Variants in UBP1 observed in about 807,000 individuals in gnomAD.
The protein encoded by UBP1 is upstream-binding protein 1.
UBP1 carries 22 observed loss-of-function variants against 76.1 expected under a neutral mutation model. The ratio of observed to expected loss-of-function variants is 0.29; its 90% CI spans 0.21 to 0.41. The LOEUF (loss-of-function observed/expected upper bound fraction) is 0.41, where lower values mean the gene tolerates loss of function less well. Ranked by LOEUF, UBP1 falls within the 10% of genes least tolerant of loss-of-function variation. The probability of loss-of-function intolerance (pLI) is 1.00; values close to 1 mark genes in which losing one functional copy is unlikely to be tolerated. For synonymous variants in UBP1, 224 were observed against 237.1 expected (o/e 0.94, Z 0.51); for missense variants, 436 against 668.1 (o/e 0.65, Z 3.83).
chr3:33,403,073 A>G (rs2044292070), intron 8 of UBP1, among the ~76,000 whole-genome samples, 169 bp from the exon 9 acceptor site: 1 of 152,230 alleles, frequency 6.6e-6, no homozygotes, highest in Non-Finnish European at 1.5e-5. Context: ...GTGGCAAAGA[A>G]AAGTTTTACC....
At chr3:33,401,862 G>T (rs1430222227) in intron 9 of UBP1, among the ~76,000 whole-genome samples, 3 of 152,126 alleles carry the variant, frequency 2.0e-5, no homozygotes, top group Non-Finnish European at 4.4e-5. Flanking sequence ...GACTGACTAG[G>T]AAACTATTCT....
At chr3:33,418,682 A>G (rs1022353833) in intron 2 of UBP1, among the ~76,000 whole-genome samples, 1 of 151,594 alleles carries the variant, frequency 6.6e-6, no homozygotes, top group Non-Finnish European at 1.5e-5. Flanking sequence ...AACATGGAGA[A>G]ACCTCATCTC....
Position 33,393,462 on chromosome 3 carries a change from T to TAAA in UBP1, c.1391-11_1391-9dup. On this transcript the variant is annotated splice_polypyrimidine_tract_variant and intron_variant, in intron 13 of 15. Transcript: ENST00000283629. ...AGTAGATTGCATGATAAACTGAAAT[T>TAAA]AAAAAAAAAAAAAGAAAAGCATTTT... is the stretch of plus-strand genomic sequence containing the variant. The TAAA allele has an allele frequency of 3.7e-6, 5 of 1,345,620 alleles. No individual in the cohort carries two copies. The highest frequency in any genetic ancestry group is 5.1e-6 in the Non-Finnish European group (5 of 985,898). 83.4% of individuals were successfully genotyped at this position (1,345,620 alleles called of 1,614,324 possible).
Position 33,393,463 on chromosome 3 carries a change from A to C in UBP1, c.1391-9T>G. ...GTAGATTGCATGATAAACTGAAATTAAAAAAAAAAAAAGAAAAGCATTTTA... is the reference window on the plus strand; with the variant it reads ...GTAGATTGCATGATAAACTGAAATTCAAAAAAAAAAAAGAAAAGCATTTTA... On this transcript the variant is annotated splice_polypyrimidine_tract_variant and intron_variant, in intron 13 of 15. Transcript: ENST00000283629. 1 of 282,820 alleles carries C rather than the reference A, an allele frequency of 3.5e-6. No individual in the cohort carries two copies. Among genetic ancestry groups the C allele is most frequent in the Non-Finnish European group, 5.7e-6 (1 of 174,318 alleles). 17.5% of individuals were successfully genotyped at this position (282,820 alleles called of 1,614,324 possible). A position where few individuals can be genotyped will look rare whatever the true frequency, so the allele number is the denominator to read the frequency against.
At chr3:33,423,813 T>C (rs2044960823) in intron 2 of UBP1, among the ~76,000 whole-genome samples, 1 of 152,248 alleles carries the variant, frequency 6.6e-6, no homozygotes, top group Admixed American at 6.5e-5. Context: ...CACATGTATT[T>C]AGTACAATGC....
chr3:33,411,789 T>A, intron 4 of UBP1, 102 bp from the exon 5 acceptor site: 1 of 918,662 alleles, frequency 1.1e-6, no homozygotes, highest in Non-Finnish European at 1.7e-6. Flanking sequence ...GTAACTGCTT[T>A]GAACTCTGTC....
intron 5 of UBP1, among the ~76,000 whole-genome samples, chr3:33,410,745 T>A (rs181217248): frequency 1.6e-4 from 24 of 152,252 alleles, no homozygotes; most frequent in Non-Finnish European, 1.6e-4. Context: ...ATGATATTTA[T>A]GGATGAAATG....
In UBP1 at chr3:33,435,175, A is replaced by G. The variant is rs796482214; in HGVS notation, c.113+4561T>C. On this transcript the variant is annotated intron_variant, in intron 1 of 15. Transcript: ENST00000283629. ...AATGTTTTAAATGAGTTAATTTATT[A>G]AATCATTTCCTGTACTGCAGCCAAG... Among the ~76,000 whole-genome samples, 4 of 152,252 alleles carry G rather than the reference A, an allele frequency of 2.6e-5. No homozygotes were observed. In the South Asian group the frequency reaches 6.2e-4, roughly 24 times the overall value.
At chr3:33,400,498 G>A (rs2044183565) in intron 10 of UBP1, among the ~76,000 whole-genome samples, 1 of 152,118 alleles carries the variant, frequency 6.6e-6, no homozygotes, top group Non-Finnish European at 1.5e-5. Flanking sequence ...AAATCATGCC[G>A]CTGCTAATGA....
Position 33,390,189 on chromosome 3 carries a change from C to A in UBP1, c.*142G>T. 1 of 792,760 alleles carries A rather than the reference C, an allele frequency of 1.3e-6. No homozygotes were observed. Among genetic ancestry groups the A allele is most frequent in the Non-Finnish European group, 2.0e-6 (1 of 490,734 alleles). 49.1% of individuals were successfully genotyped at this position (792,760 alleles called of 1,614,324 possible). On this transcript the variant is annotated 3_prime_UTR_variant, in exon 16 of 16. Coordinates refer to ENST00000283629, the MANE Select transcript of UBP1 (RefSeq NM_014517.5). ...GTGAGGAGATTCACCTCTCATACAG[C>A]TCATTAGAAAGGTCATCTTGTGTTT...
intron 2 of UBP1, among the ~76,000 whole-genome samples, chr3:33,417,086 T>A (rs1316636330): frequency 3.3e-5 from 5 of 152,252 alleles, no homozygotes; most frequent in Admixed American, 3.3e-4. Context: ...ACTAAACTTT[T>A]ATTATGCTTG....
chr3:33,396,401 G>A (rs535653581), intron 12 of UBP1, 121 bp from the exon 13 acceptor site: 101 of 686,954 alleles, frequency 1.5e-4, no homozygotes, highest in African/African-American at 9.4e-4. Flanking sequence ...ATGTTATTTC[G>A]TTATACAAAG....
intron 1 of UBP1, among the ~76,000 whole-genome samples, chr3:33,436,274 A>ACC (rs1318551859): frequency 1.3e-5 from 2 of 152,184 alleles, no homozygotes; most frequent in South Asian, 2.1e-4. Context: ...ATTAACATCC[A>ACC]CCCTTTGCAT....
At chr3:33,441,081 A>G (rs570103159), upstream of UBP1, among the ~76,000 whole-genome samples, 18 of 152,358 alleles carry the variant, frequency 1.2e-4, no homozygotes, top group African/African-American at 3.4e-4. Flanking sequence ...TGGTCATCCT[A>G]AGGGCAGGCG....
At chr3:33,421,126 C>G (rs1025944566) in intron 2 of UBP1, among the ~76,000 whole-genome samples, 4 of 152,302 alleles carry the variant, frequency 2.6e-5, no homozygotes, top group Admixed American at 6.5e-5. Flanking sequence ...CAAAAGGCAG[C>G]CTATTCCAGC....
intron 1 of UBP1, among the ~76,000 whole-genome samples, chr3:33,427,231 C>G (rs1173231234): frequency 6.6e-6 from 1 of 152,246 alleles, no homozygotes; most frequent in Non-Finnish European, 1.5e-5. Flanking sequence ...TCCCAAAGTG[C>G]TGGGATTATA....
intron 8 of UBP1, among the ~76,000 whole-genome samples, chr3:33,406,724 G>A (rs774478225): frequency 6.6e-6 from 1 of 152,230 alleles, no homozygotes; most frequent in Non-Finnish European, 1.5e-5. Flanking sequence ...CGCTAGCAAT[G>A]CCTGGCCTGG....
Position 33,439,913 on chromosome 3 carries a change from C to A in UBP1, c.-65G>T. The stretch of plus-strand genomic sequence containing the variant: ...CGTCCAGGGCGAAGGAGCCGGAGCT[C>A]CGCTGGCGCGTCCTGGGGGAGGGCG... On this transcript the variant is annotated 5_prime_UTR_variant, in exon 1 of 16. Coordinates refer to ENST00000283629, the MANE Select transcript of UBP1 (RefSeq NM_014517.5). 1 of 1,578,698 alleles carries A rather than the reference C, an allele frequency of 6.3e-7. No individual in the cohort carries two copies. The highest frequency in any genetic ancestry group is 8.6e-7 in the Non-Finnish European group (1 of 1,158,036).
chr3:33,429,900 C>T (rs183609884), intron 1 of UBP1, among the ~76,000 whole-genome samples: 78 of 152,174 alleles, frequency 5.1e-4, no homozygotes, highest in African/African-American at 1.7e-3. Context: ...TGTGAATGTA[C>T]TGATTTTCAA....
Sources: allele counts gnomAD v4.1 joint callset (sites outside exome capture counted in the v4.1 genomes callset), GRCh38; gene constraint gnomAD v4.1.1; transcripts MANE v1.5; gene names NCBI Gene and HGNC (gene_info 2026-07-23, HGNC 2026-07-21).